The following ITFG1 variants were observed in gnomAD, a reference collection of about 807,000 sequenced individuals.
ITFG1 encodes T-cell immunomodulatory protein.
In ITFG1, 34 loss-of-function variants were observed where a neutral mutation model predicts 81.8. The observed-to-expected ratio is 0.42, with a 90% CI of 0.32 to 0.55. The LOEUF is 0.55. Among genes scored for constraint, ITFG1 ranks in the 20% least tolerant of loss-of-function variants. The pLI, the probability that ITFG1 is intolerant of heterozygous loss-of-function variation, is 0.17. For missense variants in ITFG1, 672 were observed against 755.4 expected, an observed-to-expected ratio of 0.89 and a Z score of 1.29; for synonymous variants, 285 against 270.6, an observed-to-expected ratio of 1.05 and a Z score of -0.52.
intron 14 of ITFG1, among the ~76,000 whole-genome samples, chr16:47,177,882 G>C (rs368464086): frequency 1.4e-4 from 22 of 152,240 alleles, no homozygotes; most frequent in East Asian, 9.6e-4. Context: ...CCTATATATA[G>C]AGTACAGTAA....
chr16:47,347,041 T>C (rs1596915474), intron 8 of ITFG1, among the ~76,000 whole-genome samples: 1 of 152,094 alleles, frequency 6.6e-6, no homozygotes, highest in East Asian at 1.9e-4. Flanking sequence ...CAACAACACA[T>C]TAAAGATTCA....
At chr16:47,272,499 G>GATTC (rs1966353544) in intron 10 of ITFG1, among the ~76,000 whole-genome samples, 1 of 152,060 alleles carries the variant, frequency 6.6e-6, no homozygotes, top group East Asian at 1.9e-4. Flanking sequence ...AGGTAGAAGT[G>GATTC]ATTCTCCTGC....
intron 6 of ITFG1, among the ~76,000 whole-genome samples, chr16:47,411,320 C>T (rs1463282895): frequency 6.6e-6 from 1 of 152,156 alleles, no homozygotes; most frequent in East Asian, 1.9e-4. Flanking sequence ...AGTCCTACAA[C>T]CACAACACAA....
At chr16:47,230,428 A>T (rs1399795951) in intron 13 of ITFG1, among the ~76,000 whole-genome samples, 1 of 152,154 alleles carries the variant, frequency 6.6e-6, no homozygotes, top group Non-Finnish European at 1.5e-5. Context: ...AATGCAGGCA[A>T]CTCGAGTTTG....
chr16:47,214,450 G>T (rs543856424), intron 14 of ITFG1, among the ~76,000 whole-genome samples: 2 of 152,198 alleles, frequency 1.3e-5, no homozygotes, highest in South Asian at 4.1e-4. Flanking sequence ...CAACTCACTA[G>T]TCTACAAAAT....
intron 8 of ITFG1, among the ~76,000 whole-genome samples, chr16:47,326,862 G>A (rs946896412): frequency 2.6e-5 from 4 of 152,090 alleles, no homozygotes; most frequent in Non-Finnish European, 4.4e-5. Flanking sequence ...ATGCTCATGG[G>A]TAGGAAGAAT....
chr16:47,444,312 T>C (rs1402225424), intron 5 of ITFG1, among the ~76,000 whole-genome samples: 1 of 152,202 alleles, frequency 6.6e-6, no homozygotes. Flanking sequence ...TGCAATATAA[T>C]GCAGCTAAAA....
In ITFG1 at chr16:47,183,051, G is replaced by A. The variant is rs575856209; in HGVS notation, c.1454-20387C>T. 2.1e-4 allele frequency among the ~76,000 whole-genome samples: 32 copies of A among 152,300 alleles called. No homozygotes were observed. The East Asian group carries it at 3.3e-3, about 16-fold the overall frequency. On this transcript the variant is annotated intron_variant, in intron 14 of 17. Coordinates refer to ENST00000320640, the MANE Select transcript of ITFG1 (RefSeq NM_030790.5). ...CGGGTCACTCCCACCCGAATACCGC[G>A]CTTTTCCGACGGGCTTAAAAAACGG...
intron 14 of ITFG1, 60 bp downstream of exon 14, chr16:47,218,808 C>T (rs1965657033): frequency 3.0e-6 from 3 of 1,002,848 alleles, no homozygotes; most frequent in East Asian, 2.7e-5. Context: ...ACCAGTTTAC[C>T]TTGCTAATAT....
rs545810311 is a variant in ITFG1, at chr16:47,207,113, C to T, written c.1453+11755G>A. 1.1e-4 allele frequency among the ~76,000 whole-genome samples: 17 copies of T among 152,190 alleles called. No individual in the cohort carries two copies. The South Asian group carries it at 2.7e-3, about 24-fold the overall frequency. Reference sequence around the variant, plus strand: ...TTATTTTTTTTTTGAGACGGAGTCTCGCTCTGTCGCCCAGGCTGGAGTGCA... The same window carrying T: ...TTATTTTTTTTTTGAGACGGAGTCTTGCTCTGTCGCCCAGGCTGGAGTGCA... On this transcript the variant is annotated intron_variant, in intron 14 of 17. Coordinates refer to ENST00000320640, the MANE Select transcript of ITFG1 (RefSeq NM_030790.5).
At chr16:47,192,633 G>A (rs190855427) in intron 14 of ITFG1, among the ~76,000 whole-genome samples, 231 of 152,324 alleles carry the variant, frequency 1.5e-3, no homozygotes, top group Non-Finnish European at 2.0e-3. Context: ...AAGGGGGCTG[G>A]AGTTGGGTAT....
intron 1 of ITFG1, among the ~76,000 whole-genome samples, chr16:47,459,416 A>C (rs1199276947): frequency 1.3e-5 from 2 of 152,226 alleles, no homozygotes; most frequent in African/African-American, 2.4e-5. Flanking sequence ...GCAGCTGATC[A>C]AGAGAAACTG....
At chr16:47,426,739 T>A (rs1969025796) in intron 6 of ITFG1, among the ~76,000 whole-genome samples, 1 of 151,958 alleles carries the variant, frequency 6.6e-6, no homozygotes, top group Admixed American at 6.6e-5. Flanking sequence ...ACGTCAATAA[T>A]GAAAATGTTG....
At chr16:47,412,240 C>T (rs934215576) in intron 6 of ITFG1, among the ~76,000 whole-genome samples, 5 of 152,086 alleles carry the variant, frequency 3.3e-5, no homozygotes, top group African/African-American at 4.8e-5. Flanking sequence ...ACTAGATCCC[C>T]AGCAACACTT....
At chr16:47,448,567 C>T (rs1363704745) in intron 5 of ITFG1, 1 of 151,574 alleles carries the variant, frequency 6.6e-6, no homozygotes, top group Non-Finnish European at 1.5e-5. Context: ...TTGGGCCTGA[C>T]CCAGAACGTA....
At chr16:47,348,062 C>A (rs945862908) in intron 8 of ITFG1, among the ~76,000 whole-genome samples, 2 of 152,138 alleles carry the variant, frequency 1.3e-5, no homozygotes, top group South Asian at 4.1e-4. Flanking sequence ...CCCATCCGTA[C>A]GTCACCATCA....
At chr16:47,162,848 C>T (rs909669207) in intron 14 of ITFG1, 184 bp from the exon 15 acceptor site, 1 of 467,394 alleles carries the variant, frequency 2.1e-6, no homozygotes, top group African/African-American at 2.0e-5. Flanking sequence ...GACATGGTCT[C>T]ACTCTGCCAC....
intron 14 of ITFG1, among the ~76,000 whole-genome samples, chr16:47,189,991 T>C (rs1965272743): frequency 6.6e-6 from 1 of 152,158 alleles, no homozygotes; most frequent in South Asian, 2.1e-4. Flanking sequence ...ATTAGGGTGG[T>C]AAACTTTTCT....
chr16:47,249,264 C>T (rs1447542540), intron 12 of ITFG1, among the ~76,000 whole-genome samples: 3 of 151,958 alleles, frequency 2.0e-5, no homozygotes, highest in Admixed American at 6.5e-5. Context: ...ACTAAAAATA[C>T]AAAAATTAGC....
Sources: gnomAD v4.1 joint callset for allele counts (sites outside exome capture counted in the v4.1 genomes callset) on GRCh38, gnomAD v4.1.1 for gene constraint, MANE v1.5 for transcripts, NCBI Gene and HGNC (gene_info 2026-07-23, HGNC 2026-07-21) for gene names.